Variants in COG7 observed in about 807,000 individuals in gnomAD.
The protein encoded by COG7 is conserved oligomeric Golgi complex subunit 7.
A neutral mutation model predicts 91.5 loss-of-function variants in COG7; 49 were observed. The ratio of observed to expected loss-of-function variants is 0.54; its 90% CI spans 0.43 to 0.68. The LOEUF is 0.68. Ranked by LOEUF, COG7 falls within the 30% of genes least tolerant of loss-of-function variation. The pLI, the probability that COG7 is intolerant of heterozygous loss-of-function variation, is 0.00. For missense variants in COG7, 895 were observed against 961.3 expected (o/e 0.93, Z 0.91); for synonymous variants, 365 against 388.7 (o/e 0.94, Z 0.72).
chr16:23,433,455 C>G, intron 6 of COG7, 90 bp downstream of exon 6: 2 of 1,517,418 alleles, frequency 1.3e-6, no homozygotes, highest in East Asian at 4.5e-5. Flanking sequence ...GAGCTGTGCT[C>G]TGCAGTTGAG....
At chr16:23,404,135 A>G (rs1026641067) in intron 12 of COG7, among the ~76,000 whole-genome samples, 1 of 152,260 alleles carries the variant, frequency 6.6e-6, no homozygotes, top group African/African-American at 2.4e-5. Flanking sequence ...CAAGCAGTTT[A>G]GGAAAAATTC....
chr16:23,430,182 G>C (rs971071474), intron 6 of COG7, among the ~76,000 whole-genome samples: 1 of 152,176 alleles, frequency 6.6e-6, no homozygotes, highest in Non-Finnish European at 1.5e-5. Context: ...CACTTTGGGA[G>C]GCGTGCAGCC....
chr16:23,452,722 G>A (rs530231185), intron 1 of COG7, 104 bp downstream of exon 1: 494 of 1,504,790 alleles, frequency 3.3e-4, no homozygotes, highest in Non-Finnish European at 4.2e-4. Context: ...GGTATTTGCT[G>A]TCCATGCGTG....
At chr16:23,399,173 C>G (rs1045961046) in intron 13 of COG7, among the ~76,000 whole-genome samples, 3 of 152,194 alleles carry the variant, frequency 2.0e-5, no homozygotes, top group African/African-American at 7.2e-5. Flanking sequence ...GCTCCCAGCC[C>G]AGGCTCAGCC....
At chr16:23,416,760 C>T in intron 9 of COG7, 1 of 613,442 alleles carries the variant, frequency 1.6e-6, no homozygotes, top group Non-Finnish European at 2.9e-6. Context: ...TCTTAAGTAA[C>T]CTTCCCTAAT....
At chr16:23,452,472 CGA>C (rs752639105) in intron 1 of COG7, among the ~76,000 whole-genome samples, 25 of 152,026 alleles carry the variant, frequency 1.6e-4, no homozygotes, top group Admixed American at 3.3e-4. Flanking sequence ...ACTCGAGAGG[CGA>C]GAGGATCGCT....
intron 13 of COG7, among the ~76,000 whole-genome samples, chr16:23,399,837 A>G (rs1400547918): frequency 2.6e-5 from 4 of 152,064 alleles, no homozygotes; most frequent in Admixed American, 6.6e-5. Context: ...AATGACAAAA[A>G]AGACATCCCA....
rs1016726926 is a variant in COG7, at chr16:23,421,284, G to A, written c.1010-2457C>T. On this transcript the variant is annotated intron_variant, in intron 7 of 16. Coordinates refer to ENST00000307149, the MANE Select transcript of COG7 (RefSeq NM_153603.4). ...AATATATTTACAACATATTTGATAA[G>A]CAATGGTAAAAATTCCTCACTATAT... Among the ~76,000 whole-genome samples, 14 of 151,686 alleles carry A rather than the reference G, an allele frequency of 9.2e-5. No individual in the cohort carries two copies. In the East Asian group the frequency reaches 2.7e-3, roughly 29 times the overall value.
At chr16:23,423,492 C>A (rs1368383000) in intron 7 of COG7, among the ~76,000 whole-genome samples, 1 of 152,190 alleles carries the variant, frequency 6.6e-6, no homozygotes, top group East Asian at 1.9e-4. Context: ...CAGCAACTCG[C>A]CTTAGCCCAG....
chr16:23,422,193 T>C (rs1439548952), intron 7 of COG7, among the ~76,000 whole-genome samples: 3 of 152,036 alleles, frequency 2.0e-5, no homozygotes, highest in East Asian at 3.9e-4. Context: ...GTGCCCGTGG[T>C]CTCAACTACT....
intron 6 of COG7, among the ~76,000 whole-genome samples, chr16:23,429,645 T>G (rs1963903340): frequency 6.6e-6 from 1 of 151,996 alleles, no homozygotes; most frequent in African/African-American, 2.4e-5. Flanking sequence ...GTGCCCGTAA[T>G]CCCAGCTACT....
At chr16:23,439,513 T>C (rs1964067677) in intron 4 of COG7, among the ~76,000 whole-genome samples, 1 of 152,190 alleles carries the variant, frequency 6.6e-6, no homozygotes, top group African/African-American at 2.4e-5. Context: ...ATATATGAGA[T>C]GGAATATTAT....
chr16:23,418,581 A>G, intron 8 of COG7, 119 bp downstream of exon 8: 1 of 816,562 alleles, frequency 1.2e-6, no homozygotes. Context: ...AGAGCCCACA[A>G]GTGCTTAAAG....
At chr16:23,392,554 C>T (rs1255588069) in intron 15 of COG7, 31 bp from the exon 16 acceptor site, 2 of 1,614,078 alleles carry the variant, frequency 1.2e-6, no homozygotes, top group Non-Finnish European at 1.7e-6. Context: ...CCAAGGAAAA[C>T]ACAGGCCTGC....
chr16:23,452,918 T>C lies in COG7; in HGVS notation c.77A>G (p.Lys26Arg). Residue 26 changes from lysine (K) to arginine (R), a missense_variant, in exon 1 of 17, where the codon AAG becomes AGG. Physicochemically the swap from Lys to Arg is conservative, Grantham distance 26 (BLOSUM62 2). Transcript: ENST00000307149. ...ATCCGCCTTCCCGGACGCCGCCTCC[T>C]TGGAGCCGGCCCTGAAGGCCGCATT... ...WINAAFRAGS[K>R]EAASGKADGH... The C allele has an allele frequency of 6.2e-7, 1 of 1,614,100 alleles. No individual in the cohort carries two copies. The highest frequency in any genetic ancestry group is 8.5e-7 in the Non-Finnish European group (1 of 1,179,988).
Position 23,417,033 on chromosome 16 carries a change from C to T in COG7, c.1226G>A (p.Cys409Tyr). The change falls in exon 9 of 17, where the codon TGC becomes TAC. Residue 409 changes from cysteine to tyrosine, a missense_variant. By Grantham distance (194) the Cys-to-Tyr change is radical. Transcript: ENST00000307149. ...FGLASAAVDRCVRFTNGLGTC... is the reference protein window; with the variant it reads ...FGLASAAVDRYVRFTNGLGTC... ...CCCCAGGCCATTGGTGAATCTGACG[C>T]ATCTGTCAACGGCTGCAGACGCCAG... The T allele has an allele frequency of 6.2e-7, 1 of 1,614,208 alleles. No individual in the cohort carries two copies. Among genetic ancestry groups the T allele is most frequent in the Non-Finnish European group, 8.5e-7 (1 of 1,180,036 alleles).
chr16:23,400,266 G>A (rs1963352503), intron 13 of COG7, among the ~76,000 whole-genome samples: 1 of 152,124 alleles, frequency 6.6e-6, no homozygotes, highest in Non-Finnish European at 1.5e-5. Context: ...AATTGGGGTG[G>A]GGGGCAGATG....
intron 14 of COG7, among the ~76,000 whole-genome samples, chr16:23,394,651 C>T: frequency 6.6e-6 from 1 of 152,092 alleles, no homozygotes. Context: ...CAGCGGGCTC[C>T]TTTCAGGGTG....
intron 5 of COG7, 91 bp downstream of exon 5, chr16:23,434,545 C>T: frequency 2.0e-6 from 2 of 992,834 alleles, no homozygotes; most frequent in Non-Finnish European, 3.2e-6. Context: ...GACAAATGTT[C>T]TTACCTTCTG....
Sources: gnomAD v4.1 joint callset for allele counts (sites outside exome capture counted in the v4.1 genomes callset) on GRCh38, gnomAD v4.1.1 for gene constraint, MANE v1.5 for transcripts, NCBI Gene and HGNC (gene_info 2026-07-23, HGNC 2026-07-21) for gene names.